The following SPSB1 variants were observed in gnomAD, a reference collection of about 807,000 sequenced individuals.
SPSB1 encodes SPRY domain-containing SOCS box protein 1.
SPSB1 carries 8 observed loss-of-function variants against 21.2 expected under a neutral mutation model. That is an observed-to-expected ratio of 0.38 (90% CI 0.22 to 0.68). The LOEUF is 0.68. Among genes scored for constraint, SPSB1 ranks in the 30% least tolerant of loss-of-function variants. The probability of loss-of-function intolerance (pLI) is 0.53; values close to 1 mark genes in which losing one functional copy is unlikely to be tolerated. For missense variants in SPSB1, 242 were observed against 377.8 expected, an observed-to-expected ratio of 0.64 and a Z score of 2.98; for synonymous variants, 169 against 161.7, an observed-to-expected ratio of 1.05 and a Z score of -0.34.
In SPSB1 at chr1:9,321,907, C is replaced by T. The variant is rs1241784022; in HGVS notation, c.-150+28836C>T. The stretch of plus-strand genomic sequence containing the variant: ...ATATGACAGCAGCAAGATTAATACC[C>T]GTAGGTGCCATTGACGAGTGATCCT... On this transcript the variant is annotated intron_variant, in intron 1 of 2. Coordinates refer to ENST00000328089, the MANE Select transcript of SPSB1 (RefSeq NM_025106.4). This position sits in a 1 kb window ranked among gnomAD's most constrained non-coding sequence, Gnocchi z 4.8. Among the ~76,000 whole-genome samples, 1 of 152,072 alleles carries T rather than the reference C, an allele frequency of 6.6e-6. No individual in the cohort carries two copies. The highest frequency in any genetic ancestry group is 6.6e-5 in the Admixed American group (1 of 15,266).
intron 1 of SPSB1, among the ~76,000 whole-genome samples, chr1:9,340,295 A>G (rs1173109175): frequency 6.6e-6 from 1 of 152,182 alleles, no homozygotes; most frequent in Non-Finnish European, 1.5e-5. Context: ...GGGGGAAGGC[A>G]GGGACACTGG....
At chr1:9,332,178 C>T (rs1239297013) in intron 1 of SPSB1, among the ~76,000 whole-genome samples, 1 of 146,860 alleles carries the variant, frequency 6.8e-6, no homozygotes, top group Non-Finnish European at 1.5e-5. Flanking sequence ...TAGTGAGACC[C>T]CACCTCTACC....
intron 1 of SPSB1, among the ~76,000 whole-genome samples, chr1:9,337,299 C>T (rs905224287): frequency 1.3e-5 from 2 of 152,016 alleles, no homozygotes; most frequent in African/African-American, 2.4e-5. Flanking sequence ...AAGAGTTGGC[C>T]CTGAAGTCCC....
intron 1 of SPSB1, among the ~76,000 whole-genome samples, chr1:9,308,877 C>T (rs1639466069): frequency 6.6e-6 from 1 of 152,086 alleles, no homozygotes; most frequent in South Asian, 2.1e-4. Flanking sequence ...CCTGCTATTG[C>T]CAAGCACAGC....
chr1:9,340,044 G>A (rs970161254), intron 1 of SPSB1, among the ~76,000 whole-genome samples: 13 of 152,236 alleles, frequency 8.5e-5, no homozygotes, highest in African/African-American at 3.1e-4. Context: ...TCTGGGGCTA[G>A]TGCCATTCAG....
chr1:9,357,305 GTGAA>G (rs1379150864), intron 2 of SPSB1, among the ~76,000 whole-genome samples: 2 of 151,904 alleles, frequency 1.3e-5, no homozygotes, highest in African/African-American at 2.4e-5. Flanking sequence ...GGATGGATCA[GTGAA>G]TGGATGGATG....
chr1:9,363,628 G>A lies in SPSB1; in HGVS notation c.695-3820G>A, dbSNP rs541414345. 7.7e-4 allele frequency among the ~76,000 whole-genome samples: 117 copies of A among 152,202 alleles called. No individual in the cohort carries two copies. Among genetic ancestry groups the A allele is most frequent in the Middle Eastern group, 3.2e-3 (1 of 316 alleles). Reference sequence around the variant, plus strand: ...CCCACAGGCCATGGCTGGGGCTGGGGCTGCGGTGTCAGCCACTCAAAATAA... The same window carrying A: ...CCCACAGGCCATGGCTGGGGCTGGGACTGCGGTGTCAGCCACTCAAAATAA... On this transcript the variant is annotated intron_variant, in intron 2 of 2. Coordinates refer to ENST00000328089, the MANE Select transcript of SPSB1 (RefSeq NM_025106.4). The surrounding 1 kb of genome is among the most constrained non-coding windows in gnomAD (Gnocchi z 4.5).
chr1:9,350,764 C>A (rs1483384454), intron 1 of SPSB1, among the ~76,000 whole-genome samples: 1 of 152,264 alleles, frequency 6.6e-6, no homozygotes, highest in Non-Finnish European at 1.5e-5. Flanking sequence ...TGGAAACTCA[C>A]CAACTGCTCA....
intron 1 of SPSB1, among the ~76,000 whole-genome samples, chr1:9,301,742 C>A (rs1639333250): frequency 6.6e-6 from 1 of 152,186 alleles, no homozygotes; most frequent in Non-Finnish European, 1.5e-5. Context: ...TGCCACTCAC[C>A]AAAGCCGACC....
intron 1 of SPSB1, among the ~76,000 whole-genome samples, chr1:9,320,379 T>C (rs1171282207): frequency 6.6e-6 from 1 of 152,158 alleles, no homozygotes; most frequent in Non-Finnish European, 1.5e-5. Flanking sequence ...GGACTTTGCC[T>C]CCTTTCACCT....
intron 1 of SPSB1, among the ~76,000 whole-genome samples, chr1:9,311,073 C>T (rs1021391800): frequency 2.6e-5 from 4 of 152,078 alleles, no homozygotes; most frequent in Admixed American, 2.6e-4. Context: ...CCTTTCTTCT[C>T]CCGCCTCTAG....
Position 9,359,847 on chromosome 1 carries a change from C to CA in SPSB1, c.694+3262_694+3263insA, listed in dbSNP as rs71580084. On this transcript the variant is annotated intron_variant, in intron 2 of 2. Coordinates refer to ENST00000328089, the MANE Select transcript of SPSB1 (RefSeq NM_025106.4). ...TGGGAGCTTGGGCCAGGATGGAAGC[C>CA]GGGGGGGTGGGTGGCGGGGGCGGCC... is the stretch of plus-strand genomic sequence containing the variant. Among the ~76,000 whole-genome samples the CA allele has an allele frequency of 9.3e-3, 989 of 105,820 alleles. 15 individuals carry two copies. The highest frequency in any genetic ancestry group is 0.031 in the African/African-American group (783 of 24,954). 69.4% of individuals were successfully genotyped at this position (105,820 alleles called of 152,430 possible).
intron 1 of SPSB1, among the ~76,000 whole-genome samples, chr1:9,340,880 T>C (rs1640080694): frequency 6.6e-6 from 1 of 152,302 alleles, no homozygotes; most frequent in Admixed American, 6.5e-5. Context: ...TTTGTAGTCC[T>C]CCTGTGTACC....
At chr1:9,304,152 C>T (rs1449918992) in intron 1 of SPSB1, among the ~76,000 whole-genome samples, 2 of 152,198 alleles carry the variant, frequency 1.3e-5, no homozygotes, top group Non-Finnish European at 2.9e-5. Flanking sequence ...CCTTCTCCTG[C>T]ACTCGGATGT....
intron 1 of SPSB1, among the ~76,000 whole-genome samples, chr1:9,340,185 G>A (rs897534524): frequency 3.9e-5 from 6 of 152,174 alleles, no homozygotes; most frequent in African/African-American, 1.4e-4. Context: ...GTTCTCAAGA[G>A]AGGAGACAGA....
At chr1:9,320,138 C>T (rs1639693680) in intron 1 of SPSB1, among the ~76,000 whole-genome samples, 1 of 152,224 alleles carries the variant, frequency 6.6e-6, no homozygotes, top group Non-Finnish European at 1.5e-5. Context: ...GGCCCCACCC[C>T]CCACTATAGT....
chr1:9,328,107 A>G (rs556497908), intron 1 of SPSB1, among the ~76,000 whole-genome samples: 1 of 152,216 alleles, frequency 6.6e-6, no homozygotes, highest in Non-Finnish European at 1.5e-5. Context: ...CTTACCTCAC[A>G]CAGTAAACAT....
chr1:9,339,421 T>C (rs1237970714), intron 1 of SPSB1, among the ~76,000 whole-genome samples: 1 of 151,624 alleles, frequency 6.6e-6, no homozygotes, highest in Non-Finnish European at 1.5e-5. Flanking sequence ...CCGGGGCGAG[T>C]CTGGAGGCGA....
intron 1 of SPSB1, among the ~76,000 whole-genome samples, chr1:9,343,825 G>T (rs1265841340): frequency 6.6e-6 from 1 of 151,970 alleles, no homozygotes; most frequent in Non-Finnish European, 1.5e-5. Flanking sequence ...TCGCTCTGTT[G>T]CCTAGGCTGG....
Sources: allele counts gnomAD v4.1 joint callset (sites outside exome capture counted in the v4.1 genomes callset), GRCh38; gene constraint gnomAD v4.1.1; non-coding constraint Gnocchi (gnomAD v3.1); transcripts MANE v1.5; gene names NCBI Gene and HGNC (gene_info 2026-07-23, HGNC 2026-07-21).